Variants in CNTN6 observed in about 807,000 individuals in gnomAD.
The protein encoded by CNTN6 is contactin-6.
In CNTN6, 137 loss-of-function variants were observed where a neutral mutation model predicts 122.8. That is an observed-to-expected ratio of 1.12 (90% CI 0.97 to 1.29). CNTN6 has a LOEUF of 1.29. Among genes scored for constraint, CNTN6 ranks in the 50% most tolerant of loss-of-function variants. CNTN6 has a pLI of 0.00. For missense variants in CNTN6, 1,634 were observed against 1,223.4 expected, an observed-to-expected ratio of 1.34 and a Z score of -5.01; for synonymous variants, 570 against 426.0, an observed-to-expected ratio of 1.34 and a Z score of -4.16.
chr3:1,158,367 T>G (rs2093024873), intron 2 of CNTN6, among the ~76,000 whole-genome samples: 1 of 152,240 alleles, frequency 6.6e-6, no homozygotes, highest in Non-Finnish European at 1.5e-5. Context: ...TTTGCCCATT[T>G]TTTAATCGCA....
chr3:1,365,882 G>A (rs1708149735), intron 12 of CNTN6, among the ~76,000 whole-genome samples: 1 of 152,010 alleles, frequency 6.6e-6, no homozygotes, highest in African/African-American at 2.4e-5. Flanking sequence ...ACACTTACTG[G>A]ATATAAATTT....
Position 1,348,172 on chromosome 3 carries a change from A to AG in CNTN6, c.1365-4152_1365-4151insG, listed in dbSNP as rs1299173471. Among the ~76,000 whole-genome samples the AG allele has an allele frequency of 4.7e-5, 7 of 150,514 alleles. 1 individual carries two copies. Among genetic ancestry groups the AG allele is most frequent in the Non-Finnish European group, 1.0e-4 (7 of 67,594 alleles). On this transcript the variant is annotated intron_variant, in intron 11 of 22. Transcript: ENST00000446702. The stretch of plus-strand genomic sequence containing the variant: ...ATGCTATAGACAAAAAAAAAAAAAA[A>AG]AAAAGGACTTGGGCCATTAGTTAAC...
At position 1,244,613 on chromosome 3, in the gene CNTN6, G is replaced by A. The variant is rs1021633748; in HGVS notation, c.358+16620G>A. 7.9e-5 allele frequency among the ~76,000 whole-genome samples: 12 copies of A among 152,220 alleles called. 2 individuals carry two copies. The highest frequency in any genetic ancestry group is 6.5e-4 in the Admixed American group (10 of 15,284). On this transcript the variant is annotated intron_variant, in intron 4 of 22. Coordinates refer to ENST00000446702, the MANE Select transcript of CNTN6 (RefSeq NM_001289080.2). ...GGGATGTCCCCCGATCCGAGTCACAGCACCAAATTTCATGCGTGTCTGTGT... is the reference window on the plus strand; with the variant it reads ...GGGATGTCCCCCGATCCGAGTCACAACACCAAATTTCATGCGTGTCTGTGT...
chr3:1,349,176 CAT>C (rs1705229152), intron 11 of CNTN6, among the ~76,000 whole-genome samples: 2 of 151,864 alleles, frequency 1.3e-5, no homozygotes, highest in African/African-American at 4.8e-5. Flanking sequence ...AATTTCCACA[CAT>C]ATTTTTATGA....
intron 12 of CNTN6, among the ~76,000 whole-genome samples, chr3:1,369,540 A>G (rs1433521271): frequency 6.6e-6 from 1 of 152,216 alleles, no homozygotes; most frequent in African/African-American, 2.4e-5. Context: ...TTTCTTATTC[A>G]TAAAGCTTTC....
intron 2 of CNTN6, among the ~76,000 whole-genome samples, chr3:1,173,731 C>CA (rs2093400570): frequency 6.7e-6 from 1 of 150,298 alleles, no homozygotes; most frequent in South Asian, 2.1e-4. Context: ...GGATTACAAA[C>CA]AAAACCATCT....
At chr3:1,240,528 C>T (rs571298823) in intron 4 of CNTN6, among the ~76,000 whole-genome samples, 1 of 152,046 alleles carries the variant, frequency 6.6e-6, no homozygotes, top group South Asian at 2.1e-4. Context: ...AAATAATAGA[C>T]ATTGGCATGG....
At chr3:1,316,488 A>T (rs553610665) in intron 7 of CNTN6, among the ~76,000 whole-genome samples, 58 of 151,998 alleles carry the variant, frequency 3.8e-4, no homozygotes, top group African/African-American at 1.3e-3. Context: ...AGCACCACGG[A>T]GATAGTGCTA....
At chr3:1,386,950 C>CCAT (rs1482413274) in intron 20 of CNTN6, among the ~76,000 whole-genome samples, 5 of 152,134 alleles carry the variant, frequency 3.3e-5, no homozygotes, top group Admixed American at 3.3e-4. Context: ...TAGTTAGGAA[C>CCAT]CATCTCAGAG....
rs192861682 is a variant in CNTN6 at position 1,156,247 on chromosome 3, C to T, written c.55+8184C>T. On this transcript the variant is annotated intron_variant, in intron 2 of 22. Transcript: ENST00000446702. ...AAATCCAATCTTTAACACACTTATT[C>T]GAATGCTATGTTCATTCTGATTAAT... is the stretch of plus-strand genomic sequence containing the variant. Among the ~76,000 whole-genome samples the T allele has an allele frequency of 1.0e-3, 155 of 152,268 alleles. 1 individual carries two copies. Among genetic ancestry groups the T allele is most frequent in the African/African-American group, 3.5e-3 (144 of 41,558 alleles).
chr3:1,117,775 ATTCCTGAACTGATGAAGTAAAAGAG>A (rs1300293862), intron 1 of CNTN6, among the ~76,000 whole-genome samples: 2 of 152,180 alleles, frequency 1.3e-5, no homozygotes, highest in Non-Finnish European at 2.9e-5. Context: ...TCCCAGAGGT[ATTCCTGAACTGATGAAGTAAAAGAG>A]TAGGTTGATA....
At chr3:1,281,833 C>T (rs1357645036) in intron 5 of CNTN6, among the ~76,000 whole-genome samples, 3 of 152,166 alleles carry the variant, frequency 2.0e-5, no homozygotes, top group African/African-American at 7.2e-5. Flanking sequence ...GGGAGTTCGG[C>T]AGCAAGGGAG....
chr3:1,106,978 A>G (rs537189314), intron 1 of CNTN6, among the ~76,000 whole-genome samples: 83 of 152,184 alleles, frequency 5.5e-4, no homozygotes, highest in African/African-American at 1.9e-3. Context: ...CTATCTATCT[A>G]TCTCTCTAAA....
Position 1,401,513 on chromosome 3 carries a change from A to G in CNTN6, c.2785A>G (p.Met929Val), listed in dbSNP as rs1017330558. The change falls in exon 21 of 23, where the codon ATG becomes GTG. Residue 929 changes from methionine (M) to valine (V), a missense_variant. Coordinates refer to ENST00000446702, the MANE Select transcript of CNTN6 (RefSeq NM_001289080.2). ...LCLNWEHVKT[M>V]ENESEVLGYK... is the part of the protein sequence containing the mutation. ...CTTGAACTGGGAGCATGTAAAAACC[A>G]TGGAAAATGAGTCTGAAGTTTTGGG... 2 of 1,611,688 alleles carry G rather than the reference A, an allele frequency of 1.2e-6. No homozygotes were observed. The highest frequency in any genetic ancestry group is 1.7e-6 in the Non-Finnish European group (2 of 1,178,376).
chr3:1,149,681 G>A (rs1042947084), intron 2 of CNTN6, among the ~76,000 whole-genome samples: 1 of 152,084 alleles, frequency 6.6e-6, no homozygotes, highest in Non-Finnish European at 1.5e-5. Flanking sequence ...AAATAATAGT[G>A]TATTCTTTTT....
intron 3 of CNTN6, among the ~76,000 whole-genome samples, chr3:1,221,271 AAAG>A (rs1263368416): frequency 3.9e-5 from 6 of 152,196 alleles, no homozygotes; most frequent in African/African-American, 1.2e-4. Context: ...AAGGAAAAAA[AAAG>A]ATTTGTTTCC....
At position 1,227,854 on chromosome 3, in the gene CNTN6, G is replaced by A; in HGVS notation, c.219G>A (p.Met73Ile). The change falls in exon 4 of 23, where the codon ATG becomes ATA. Residue 73 changes from methionine (M) to isoleucine (I), a missense_variant. By Grantham distance (10) the Met-to-Ile change is conservative (BLOSUM62 1). Coordinates refer to ENST00000446702, the MANE Select transcript of CNTN6 (RefSeq NM_001289080.2). Reference protein sequence around the residue: ...KQNGTDIDFTMSYHYRLDGGS... With the variant: ...KQNGTDIDFTISYHYRLDGGS... ...ATGGCACAGACATTGATTTTACTAT[G>A]AGTTATCACTACAGGTTGGATGGAG... The A allele has an allele frequency of 1.9e-6, 3 of 1,613,650 alleles. No homozygotes were observed. The highest frequency in any genetic ancestry group is 2.5e-6 in the Non-Finnish European group (3 of 1,179,912).
intron 7 of CNTN6, among the ~76,000 whole-genome samples, chr3:1,301,446 AAAGAAACCCC>A (rs1275948806): frequency 6.6e-6 from 1 of 152,210 alleles, no homozygotes; most frequent in African/African-American, 2.4e-5. Context: ...TGTATGTACA[AAAGAAACCCC>A]CTGATAAATA....
At chr3:1,394,637 T>C (rs1158135809) in intron 20 of CNTN6, among the ~76,000 whole-genome samples, 1 of 152,212 alleles carries the variant, frequency 6.6e-6, no homozygotes, top group Non-Finnish European at 1.5e-5. Context: ...CATCTGAATT[T>C]GCTAGTTTCA....
Sources: gnomAD v4.1 joint callset for allele counts (sites outside exome capture counted in the v4.1 genomes callset) on GRCh38, gnomAD v4.1.1 for gene constraint, MANE v1.5 for transcripts, NCBI Gene and HGNC (gene_info 2026-07-23, HGNC 2026-07-21) for gene names.